Variants in NEGR1 observed in about 807,000 individuals in gnomAD.
NEGR1 encodes the protein neuronal growth regulator 1.
Under a neutral mutation model 40.9 loss-of-function variants are expected in NEGR1, and 10 were observed. The ratio of observed to expected loss-of-function variants is 0.24; its 90% confidence interval spans 0.15 to 0.42. The LOEUF is 0.42. NEGR1 is among the 10% of genes least tolerant of loss of function. The pLI is 1.00. For synonymous variants in NEGR1, 185 were observed against 166.8 expected (o/e 1.11, Z -0.84); for missense variants, 352 against 438.9 (o/e 0.80, Z 1.77).
chr1:71,859,050 A>G (rs943523262), intron 2 of NEGR1, among the ~76,000 whole-genome samples: 4 of 152,092 alleles, frequency 2.6e-5, no homozygotes, highest in Non-Finnish European at 4.4e-5. Context: ...CTGTTAAATC[A>G]TATGTCCTAT....
chr1:71,831,489 C>T (rs374201146), intron 2 of NEGR1, among the ~76,000 whole-genome samples: 2 of 151,898 alleles, frequency 1.3e-5, no homozygotes, highest in Admixed American at 6.6e-5. Context: ...AAAATTTATA[C>T]CTGACATGTT....
chr1:71,576,053 G>A (rs1570053408), intron 6 of NEGR1, among the ~76,000 whole-genome samples: 1 of 152,140 alleles, frequency 6.6e-6, no homozygotes, highest in African/African-American at 2.4e-5. Flanking sequence ...TAGTCATGGA[G>A]CATAGTGTCC....
At chr1:71,411,907 A>C (rs1296990531) in intron 6 of NEGR1, among the ~76,000 whole-genome samples, 1 of 152,104 alleles carries the variant, frequency 6.6e-6, no homozygotes, top group Non-Finnish European at 1.5e-5. Context: ...AAGCTGAGGC[A>C]CTAGAATCAC....
intron 6 of NEGR1, among the ~76,000 whole-genome samples, chr1:71,581,771 C>T (rs1201830495): frequency 4.0e-5 from 6 of 149,736 alleles, no homozygotes; most frequent in African/African-American, 9.8e-5. Flanking sequence ...GGCGTGTTCT[C>T]GGCTCACTGC....
At chr1:72,166,156 G>T (rs939962471) in intron 1 of NEGR1, among the ~76,000 whole-genome samples, 11 of 151,936 alleles carry the variant, frequency 7.2e-5, no homozygotes, top group African/African-American at 2.7e-4. Context: ...TACAGCCAGG[G>T]AATCTTTGAG....
chr1:71,856,461 T>C (rs1659770051), intron 2 of NEGR1, among the ~76,000 whole-genome samples: 1 of 152,098 alleles, frequency 6.6e-6, no homozygotes, highest in Non-Finnish European at 1.5e-5. Context: ...GTGTTCTCTA[T>C]TGTGTGTCAG....
chr1:71,613,525 T>C (rs2101545329), intron 4 of NEGR1, among the ~76,000 whole-genome samples: 1 of 152,016 alleles, frequency 6.6e-6, no homozygotes, highest in East Asian at 1.9e-4. Flanking sequence ...TGGGCACCTG[T>C]AATCCCAGCT....
At chr1:71,874,816 T>C (rs749013395) in intron 2 of NEGR1, among the ~76,000 whole-genome samples, 3 of 152,122 alleles carry the variant, frequency 2.0e-5, no homozygotes, top group African/African-American at 4.8e-5. Flanking sequence ...GAGGAAACTT[T>C]TCGGTTTCCA....
At chr1:71,682,357 T>C (rs1251079633) in intron 4 of NEGR1, among the ~76,000 whole-genome samples, 1 of 152,356 alleles carries the variant, frequency 6.6e-6, no homozygotes, top group South Asian at 2.1e-4. Context: ...ATAATTCTTC[T>C]ACAAAAAGTT....
intron 4 of NEGR1, among the ~76,000 whole-genome samples, chr1:71,630,537 G>A (rs1650939754): frequency 6.6e-6 from 1 of 151,872 alleles, no homozygotes; most frequent in Non-Finnish European, 1.5e-5. Context: ...GTTCTGCTGT[G>A]TGCCCCATAA....
intron 4 of NEGR1, among the ~76,000 whole-genome samples, chr1:71,675,116 T>TAG (rs1652576198): frequency 1.4e-5 from 1 of 70,070 alleles, no homozygotes; most frequent in Non-Finnish European, 2.9e-5. Context: ...TTTATTCATA[T>TAG]ATATATATAT....
intron 3 of NEGR1, among the ~76,000 whole-genome samples, chr1:71,743,167 C>T (rs189838269): frequency 9.6e-4 from 146 of 152,334 alleles, no homozygotes; most frequent in Middle Eastern, 3.4e-3. Flanking sequence ...TCAAACCACC[C>T]AGTCTATGGC....
At chr1:71,887,896 C>A (rs968622375) in intron 2 of NEGR1, among the ~76,000 whole-genome samples, 4 of 151,922 alleles carry the variant, frequency 2.6e-5, no homozygotes, top group African/African-American at 4.8e-5. Flanking sequence ...TCTCCCCTAC[C>A]CCCACCTGGA....
At chr1:71,931,609 C>G (rs1485442275) in intron 2 of NEGR1, among the ~76,000 whole-genome samples, 5 of 152,092 alleles carry the variant, frequency 3.3e-5, no homozygotes, top group Non-Finnish European at 7.4e-5. Flanking sequence ...AACCCACTCT[C>G]ACAACAACTA....
intron 1 of NEGR1, among the ~76,000 whole-genome samples, chr1:71,998,061 A>C (rs1646520535): frequency 6.6e-6 from 1 of 152,002 alleles, no homozygotes; most frequent in South Asian, 2.1e-4. Flanking sequence ...GAAAATTCCC[A>C]GGAGTTGTAA....
chr1:71,580,006 A>G (rs1294567020), intron 6 of NEGR1, among the ~76,000 whole-genome samples: 1 of 152,198 alleles, frequency 6.6e-6, no homozygotes, highest in Non-Finnish European at 1.5e-5. Flanking sequence ...ACACATGCAC[A>G]CGTATGCTCA....
At chr1:71,545,385 C>T (rs367860193) in intron 6 of NEGR1, among the ~76,000 whole-genome samples, 18 of 151,758 alleles carry the variant, frequency 1.2e-4, no homozygotes, top group Admixed American at 1.0e-3. Context: ...AAGAAATGCT[C>T]TCCTGAACTT....
chr1:71,542,084 T>C (rs1456223419), intron 6 of NEGR1, among the ~76,000 whole-genome samples: 1 of 151,608 alleles, frequency 6.6e-6, no homozygotes, highest in African/African-American at 2.4e-5. Flanking sequence ...GTGGGAAATA[T>C]GGTAGGAAAT....
chr1:71,775,947 C>G (rs189645389), intron 3 of NEGR1, among the ~76,000 whole-genome samples: 97 of 151,240 alleles, frequency 6.4e-4, no homozygotes, highest in African/African-American at 2.3e-3. Context: ...GAGACCGGTT[C>G]GCGCCACTGA....
Sources: allele counts gnomAD v4.1 joint callset (sites outside exome capture counted in the v4.1 genomes callset), GRCh38; gene constraint gnomAD v4.1.1; transcripts MANE v1.5; gene names NCBI Gene and HGNC (gene_info 2026-07-23, HGNC 2026-07-21).